The following NDUFAF5 variants were observed in gnomAD, a reference collection of about 807,000 sequenced individuals.
NDUFAF5 encodes arginine-hydroxylase NDUFAF5, mitochondrial.
NDUFAF5 carries 34 observed loss-of-function variants against 48.9 expected under a neutral mutation model. The observed-to-expected ratio is 0.70, with a 90% CI of 0.53 to 0.93. The LOEUF is 0.93. Among genes scored for constraint, NDUFAF5 ranks in the 40% least tolerant of loss-of-function variants. The pLI, the probability that NDUFAF5 is intolerant of heterozygous loss-of-function variation, is 0.00. For missense variants in NDUFAF5, 428 were observed against 427.5 expected (o/e 1.00, Z -0.01); for synonymous variants, 153 against 150.6 (o/e 1.02, Z -0.12).
chr20:13,797,408 A>C (rs1320088045), intron 5 of NDUFAF5, among the ~76,000 whole-genome samples: 1 of 152,242 alleles, frequency 6.6e-6, no homozygotes, highest in Non-Finnish European at 1.5e-5. Context: ...ATTATTCAGC[A>C]CTAAAAAGAA....
intron 8 of NDUFAF5, chr20:13,816,211 A>AGCTTACTTTAGACCAATGCTG (rs1986437108): frequency 1.9e-6 from 1 of 529,180 alleles, no homozygotes; most frequent in Non-Finnish European, 3.5e-6. Context: ...ATTGCTGGCA[A>AGCTTACTTTAGACCAATGCTG]GTAAAGCATT....
chr20:13,790,722 A>G (rs756182591), intron 3 of NDUFAF5, among the ~76,000 whole-genome samples: 1 of 151,564 alleles, frequency 6.6e-6, no homozygotes, highest in Non-Finnish European at 1.5e-5. Context: ...TCTTCCTTTC[A>G]CTCCCAACTT....
chr20:13,805,383 G>A (rs927777073), intron 7 of NDUFAF5, among the ~76,000 whole-genome samples: 1 of 152,132 alleles, frequency 6.6e-6, no homozygotes, highest in African/African-American at 2.4e-5. Flanking sequence ...TACTAAAAAT[G>A]TTTAACCTGA....
In NDUFAF5 at chr20:13,788,634, T is replaced by A. The variant is rs775773196; in HGVS notation, c.309T>A (p.Ile103=). ...ALDLGCGRGY[I]AQYLNKETIG... is the part of the protein sequence containing the mutation. The stretch of plus-strand genomic sequence containing the variant: ...ATCTTGGTTGTGGAAGAGGTTACAT[T>A]GCACAATATTTGAATAAGGTATATT... Residue 103 remains isoleucine, a synonymous_variant, in exon 3 of 11, where the codon ATT becomes ATA. Coordinates refer to ENST00000378106, the MANE Select transcript of NDUFAF5 (RefSeq NM_024120.5). 1 of 1,610,684 alleles carries A rather than the reference T, an allele frequency of 6.2e-7. No individual in the cohort carries two copies. The highest frequency in any genetic ancestry group is 8.5e-7 in the Non-Finnish European group (1 of 1,176,984).
chr20:13,816,554 G>A lies in NDUFAF5; in HGVS notation c.862+8G>A, dbSNP rs1406610099. On this transcript the variant is annotated splice_region_variant and intron_variant, in intron 9 of 10. Coordinates refer to ENST00000378106, the MANE Select transcript of NDUFAF5 (RefSeq NM_024120.5). The stretch of plus-strand genomic sequence containing the variant: ...CTGCGGCAGTGTACAGAGGTAAGGG[G>A]CGACCACTCTTTCACCCGCCTCACC... 6.2e-7 allele frequency: 1 copy of A among 1,611,280 alleles called. No homozygotes were observed. The highest frequency in any genetic ancestry group is 8.5e-7 in the Non-Finnish European group (1 of 1,177,698).
intron 3 of NDUFAF5, among the ~76,000 whole-genome samples, chr20:13,792,685 G>T (rs1015484782): frequency 6.6e-6 from 1 of 152,148 alleles, no homozygotes; most frequent in African/African-American, 2.4e-5. Context: ...AGAAAAGAGG[G>T]CTGAGGGGGA....
chr20:13,793,069 T>G (rs1364841162), intron 3 of NDUFAF5, 111 bp from the exon 4 acceptor site: 3 of 1,161,184 alleles, frequency 2.6e-6, no homozygotes, highest in Admixed American at 1.7e-5. Context: ...TGCAGAAATA[T>G]ACCTTTACAA....
chr20:13,812,195 C>T (rs531451598), intron 8 of NDUFAF5, among the ~76,000 whole-genome samples: 1 of 152,310 alleles, frequency 6.6e-6, no homozygotes, highest in African/African-American at 2.4e-5. Context: ...TATCGTGCAG[C>T]CTCCTCTGAG....
intron 4 of NDUFAF5, 126 bp downstream of exon 4, chr20:13,793,353 A>G: frequency 1.2e-6 from 1 of 866,738 alleles, no homozygotes; most frequent in Non-Finnish European, 1.8e-6. Flanking sequence ...CTCATACAGG[A>G]AATATCAAGA....
rs752954893 is a variant in NDUFAF5 at position 13,816,556 on chromosome 20, G to A, written c.862+10G>A. On this transcript the variant is annotated intron_variant, in intron 9 of 10. Transcript: ENST00000378106. Reference sequence around the variant, plus strand: ...GCGGCAGTGTACAGAGGTAAGGGGCGACCACTCTTTCACCCGCCTCACCAA... The same window carrying A: ...GCGGCAGTGTACAGAGGTAAGGGGCAACCACTCTTTCACCCGCCTCACCAA... 10 of 1,609,736 alleles carry A rather than the reference G, an allele frequency of 6.2e-6. No individual in the cohort carries two copies. The East Asian group carries it at 1.3e-4, about 22-fold the overall frequency.
intron 6 of NDUFAF5, among the ~76,000 whole-genome samples, chr20:13,800,074 T>A (rs985826302): frequency 6.6e-6 from 1 of 152,154 alleles, no homozygotes; most frequent in Non-Finnish European, 1.5e-5. Context: ...GTGAGTATGC[T>A]GAGAGACAAA....
At chr20:13,786,701 G>A (rs958373767) in intron 1 of NDUFAF5, among the ~76,000 whole-genome samples, 8 of 152,098 alleles carry the variant, frequency 5.3e-5, no homozygotes, top group East Asian at 1.9e-4. Context: ...AGACTCCCAC[G>A]TCTTTATTGC....
intron 1 of NDUFAF5, 183 bp from the exon 2 acceptor site, chr20:13,787,129 G>T: frequency 1.5e-6 from 1 of 661,220 alleles, no homozygotes; most frequent in African/African-American, 1.8e-5. Flanking sequence ...TCATGAAATT[G>T]ACTTCTGAAA....
chr20:13,799,588 A>G (rs1419594014), intron 6 of NDUFAF5, among the ~76,000 whole-genome samples: 1 of 151,808 alleles, frequency 6.6e-6, no homozygotes, highest in East Asian at 1.9e-4. Flanking sequence ...AATCCCAGCT[A>G]CTTGGGATGC....
At chr20:13,789,615 A>G (rs546100226) in intron 3 of NDUFAF5, among the ~76,000 whole-genome samples, 2 of 151,738 alleles carry the variant, frequency 1.3e-5, no homozygotes, top group Admixed American at 1.3e-4. Flanking sequence ...ACCTGGGTCT[A>G]CAGGTGCCCG....
rs970246882 is a variant in NDUFAF5 at position 13,820,829 on chromosome 20, T to A, written c.*3619T>A. The A allele has an allele frequency of 6.6e-6, 1 of 152,192 alleles. No individual in the cohort carries two copies. Among genetic ancestry groups the A allele is most frequent in the Non-Finnish European group, 1.5e-5 (1 of 68,026 alleles). The allele number at this position is 152,192 out of a possible 1,614,324, so 9.4% of individuals were successfully genotyped here. ...AGTAGATATTTGGAAAAAAGAAAGA[T>A]AGTTGATGCAGTGATTATTATTCTG... On this transcript the variant is annotated 3_prime_UTR_variant, in exon 11 of 11. Coordinates refer to ENST00000378106, the MANE Select transcript of NDUFAF5 (RefSeq NM_024120.5).
intron 3 of NDUFAF5, among the ~76,000 whole-genome samples, chr20:13,789,570 G>A (rs986642322): frequency 2.6e-5 from 4 of 151,938 alleles, no homozygotes; most frequent in Admixed American, 2.6e-4. Context: ...TTGCCTTCCA[G>A]GTTCATGCCA....
Position 13,787,386 on chromosome 20 carries a change from A to G in NDUFAF5, c.263+34A>G, listed in dbSNP as rs771501777. 6.2e-6 allele frequency: 10 copies of G among 1,600,308 alleles called. No homozygotes were observed. In the East Asian group the frequency reaches 1.8e-4, roughly 29 times the overall value. The stretch of plus-strand genomic sequence containing the variant: ...TGGTGATCATAATACAATACCATCA[A>G]CTTTTGAGTGGAAATTCAGGAGATT... On this transcript the variant is annotated intron_variant, in intron 2 of 10. Transcript: ENST00000378106.
rs1186818685 is a variant in NDUFAF5 at position 13,817,976 on chromosome 20, G to C, written c.*766G>C. 2.2e-6 allele frequency: 1 copy of C among 454,148 alleles called. No homozygotes were observed. The highest frequency in any genetic ancestry group is 4.4e-6 in the Non-Finnish European group (1 of 226,798). The allele number at this position is 454,148 out of a possible 1,614,324, so 28.1% of individuals were successfully genotyped here. ...AAGAACATAGAGGAAGCAGGGAGAA[G>C]GCTGAGAAGCAAGCAGGAGTGAGCG... On this transcript the variant is annotated 3_prime_UTR_variant, in exon 11 of 11. Coordinates refer to ENST00000378106, the MANE Select transcript of NDUFAF5 (RefSeq NM_024120.5).
Sources: gnomAD v4.1 joint callset for allele counts (sites outside exome capture counted in the v4.1 genomes callset) on GRCh38, gnomAD v4.1.1 for gene constraint, MANE v1.5 for transcripts, NCBI Gene and HGNC (gene_info 2026-07-23, HGNC 2026-07-21) for gene names.